RIMS1: variants seen among roughly 807,000 people sequenced by gnomAD.
The protein encoded by RIMS1 is regulating synaptic membrane exocytosis 1.
RIMS1 carries 83 observed loss-of-function variants against 214.1 expected under a neutral mutation model. The observed-to-expected ratio is 0.39, with a 90% CI of 0.32 to 0.47. RIMS1 has a LOEUF of 0.47. RIMS1 is among the 20% of genes least tolerant of loss of function. RIMS1 has a pLI of 0.99. For synonymous variants in RIMS1, 793 were observed against 786.8 expected, an observed-to-expected ratio of 1.01 and a Z score of -0.13; for missense variants, 2,050 against 2,161.8, an observed-to-expected ratio of 0.95 and a Z score of 1.03.
chr6:72,026,117 G>T (rs980233846), intron 2 of RIMS1, among the ~76,000 whole-genome samples: 1 of 152,124 alleles, frequency 6.6e-6, no homozygotes, highest in Non-Finnish European at 1.5e-5. Context: ...TGCAGAGAAG[G>T]CCTACATAGA....
chr6:72,252,901 A>G (rs545149903), intron 16 of RIMS1, 69 bp downstream of exon 16: 2 of 1,161,470 alleles, frequency 1.7e-6, no homozygotes, highest in South Asian at 2.6e-5. Flanking sequence ...CAGCTTCCGG[A>G]CCTCTTTAGG....
chr6:72,121,113 T>G (rs2153830899), intron 4 of RIMS1, among the ~76,000 whole-genome samples: 1 of 152,042 alleles, frequency 6.6e-6, no homozygotes, highest in South Asian at 2.1e-4. Flanking sequence ...TTCTTTTTAC[T>G]TAGGATTGTC....
intron 1 of RIMS1, among the ~76,000 whole-genome samples, chr6:71,945,032 C>A (rs919017821): frequency 1.3e-5 from 2 of 152,116 alleles, no homozygotes; most frequent in Non-Finnish European, 2.9e-5. Flanking sequence ...ACTTTCAAGA[C>A]CTCTATCTAA....
chr6:72,180,421 A>G (rs1343682436), intron 5 of RIMS1, among the ~76,000 whole-genome samples: 3 of 152,248 alleles, frequency 2.0e-5, no homozygotes, highest in Admixed American at 6.5e-5. Flanking sequence ...TGAAGGAACA[A>G]GCCCAACGTG....
At chr6:72,305,183 G>A (rs953025700) in intron 26 of RIMS1, among the ~76,000 whole-genome samples, 1 of 151,970 alleles carries the variant, frequency 6.6e-6, no homozygotes, top group African/African-American at 2.4e-5. Context: ...TTAGAGAAAT[G>A]AAGTGTTGTC....
chr6:71,941,224 T>C (rs1026776907), intron 1 of RIMS1, among the ~76,000 whole-genome samples: 9 of 152,170 alleles, frequency 5.9e-5, no homozygotes, highest in African/African-American at 2.2e-4. Flanking sequence ...AAAATAATTT[T>C]TATTGTATAA....
intron 1 of RIMS1, among the ~76,000 whole-genome samples, chr6:71,950,541 A>G (rs1180764982): frequency 6.6e-6 from 1 of 152,202 alleles, no homozygotes; most frequent in Non-Finnish European, 1.5e-5. Context: ...ATTTGAGCCT[A>G]TCATTAGGAT....
intron 2 of RIMS1, among the ~76,000 whole-genome samples, chr6:72,056,179 T>C (rs1344893867): frequency 1.3e-5 from 2 of 151,972 alleles, no homozygotes; most frequent in Non-Finnish European, 2.9e-5. Context: ...CTAAATACCA[T>C]ATTTTCTCCC....
chr6:72,023,858 T>C (rs1265958924), intron 2 of RIMS1, among the ~76,000 whole-genome samples: 1 of 152,174 alleles, frequency 6.6e-6, no homozygotes, highest in East Asian at 1.9e-4. Context: ...ACACTTTACA[T>C]GTACTAAATA....
At chr6:72,097,243 C>A in intron 3 of RIMS1, 81 bp downstream of exon 3, 1 of 1,228,050 alleles carries the variant, frequency 8.1e-7, no homozygotes, top group South Asian at 1.2e-5. Context: ...ACACGTGCAT[C>A]TTAGAAAGCA....
At chr6:72,191,022 A>G (rs1024170300) in intron 6 of RIMS1, among the ~76,000 whole-genome samples, 1 of 152,214 alleles carries the variant, frequency 6.6e-6, no homozygotes, top group African/African-American at 2.4e-5. Context: ...AAAGGCTCCA[A>G]ACAGCATCTC....
intron 4 of RIMS1, among the ~76,000 whole-genome samples, chr6:72,132,763 A>G (rs1220920447): frequency 6.6e-6 from 1 of 152,216 alleles, no homozygotes; most frequent in Non-Finnish European, 1.5e-5. Flanking sequence ...AACATCTTAT[A>G]CTATCATATT....
chr6:72,252,125 T>C (rs148325907), intron 15 of RIMS1, among the ~76,000 whole-genome samples: 35 of 152,332 alleles, frequency 2.3e-4, no homozygotes, highest in African/African-American at 7.7e-4. Context: ...TCTGTACTTA[T>C]TGAGTAATTT....
At chr6:71,929,810 G>A (rs148481580) in intron 1 of RIMS1, among the ~76,000 whole-genome samples, 1 of 152,212 alleles carries the variant, frequency 6.6e-6, no homozygotes, top group East Asian at 1.9e-4. Context: ...CTGGCATCAT[G>A]TGAGAAAGAA....
intron 29 of RIMS1, among the ~76,000 whole-genome samples, chr6:72,337,140 A>C (rs2096868466): frequency 6.6e-6 from 1 of 151,838 alleles, no homozygotes; most frequent in Non-Finnish European, 1.5e-5. Flanking sequence ...AATGTCCCCA[A>C]GCCAGAAATA....
At chr6:72,349,604 A>C (rs1469942577) in intron 29 of RIMS1, among the ~76,000 whole-genome samples, 1 of 151,954 alleles carries the variant, frequency 6.6e-6, no homozygotes, top group Non-Finnish European at 1.5e-5. Flanking sequence ...CATTATGGAA[A>C]CTGAAAATGG....
intron 2 of RIMS1, among the ~76,000 whole-genome samples, chr6:72,063,910 G>C (rs138447941): frequency 1.3e-5 from 2 of 152,284 alleles, no homozygotes; most frequent in African/African-American, 2.4e-5. Flanking sequence ...GGCCTCATTG[G>C]CTTGTAGATC....
chr6:72,257,766 A>G (rs2076473616), intron 16 of RIMS1, among the ~76,000 whole-genome samples: 1 of 152,208 alleles, frequency 6.6e-6, no homozygotes, highest in Non-Finnish European at 1.5e-5. Flanking sequence ...ATTGACTTGT[A>G]TATTAACTAT....
At chr6:72,160,815 G>A (rs2153931971) in intron 4 of RIMS1, among the ~76,000 whole-genome samples, 1 of 140,796 alleles carries the variant, frequency 7.1e-6, no homozygotes, top group South Asian at 2.3e-4. Context: ...TTGTATCGAT[G>A]TTCATCAGGG....
Sources: gnomAD v4.1 joint callset for allele counts (sites outside exome capture counted in the v4.1 genomes callset) on GRCh38, gnomAD v4.1.1 for gene constraint, MANE v1.5 for transcripts, NCBI Gene and HGNC (gene_info 2026-07-23, HGNC 2026-07-21) for gene names.